MYOZ1: variants seen among roughly 807,000 people sequenced by gnomAD.
MYOZ1 encodes myozenin-1.
Under a neutral mutation model 28.7 loss-of-function variants are expected in MYOZ1, and 20 were observed. The ratio of observed to expected loss-of-function variants is 0.70; its 90% confidence interval spans 0.49 to 1.01. The LOEUF (loss-of-function observed/expected upper bound fraction) is 1.01. Ranked by LOEUF, MYOZ1 falls within the 50% of genes least tolerant of loss-of-function variation. The pLI is 0.00. For missense variants in MYOZ1, 371 were observed against 372.4 expected, an observed-to-expected ratio of 1.00 and a Z score of 0.03; for synonymous variants, 144 against 145.8, an observed-to-expected ratio of 0.99 and a Z score of 0.09.
intron 3 of MYOZ1, among the ~76,000 whole-genome samples, chr10:73,636,082 G>A (rs1004743614): frequency 1.3e-5 from 2 of 152,060 alleles, no homozygotes; most frequent in African/African-American, 2.4e-5. Flanking sequence ...TCCTATATGA[G>A]GACCAATGAC....
intron 5 of MYOZ1, 37 bp from the exon 6 acceptor site, chr10:73,632,198 A>G: frequency 1.9e-6 from 3 of 1,576,364 alleles, no homozygotes; most frequent in Non-Finnish European, 1.7e-6. Flanking sequence ...AAGAATCAGA[A>G]TAAAAGAAAC....
In MYOZ1 at chr10:73,632,055, T is replaced by A; in HGVS notation, c.775A>T (p.Asn259Tyr). ...GAAGGCCTGTTGGAGAGGTTTTGGTTGTAGAGGACCAGGGGTTCACTCAGC... is the reference window on the plus strand; with the variant it reads ...GAAGGCCTGTTGGAGAGGTTTTGGTAGTAGAGGACCAGGGGTTCACTCAGC... The part of the protein sequence containing the change: ...PLLSEPLVLY[N>Y]QNLSNRPSFN... Residue 259 changes from asparagine (N) to tyrosine (Y), a missense_variant, in exon 6 of 6, where the codon AAC (asparagine) becomes TAC (tyrosine). Transcript: ENST00000359322. 6.2e-7 allele frequency: 1 copy of A among 1,614,094 alleles called. No individual in the cohort carries two copies. Among genetic ancestry groups the A allele is most frequent in the South Asian group, 1.1e-5 (1 of 91,074 alleles).
rs1327637132 is a variant in MYOZ1, at chr10:73,631,986, C to T, written c.844G>A (p.Val282Ile). Residue 282 changes from valine (V) to isoleucine (I), a missense_variant, in exon 6 of 6, where the codon GTA becomes ATA. By Grantham distance (29) the Val-to-Ile change is conservative. Transcript: ENST00000359322. The stretch of plus-strand genomic sequence containing the variant: ...ATGCCAATATCCACGTTGTAGTCTA[C>T]AGGCTCCCCAGAGCTCAGCCAGGGA... ...PIPWLSSGEP[V>I]DYNVDIGIPL... The T allele has an allele frequency of 7.4e-6, 12 of 1,613,968 alleles. No individual in the cohort carries two copies. The highest frequency in any genetic ancestry group is 1.0e-5 in the Non-Finnish European group (12 of 1,180,024).
rs555837552 is a variant in MYOZ1, at chr10:73,631,805, A to G, written c.*125T>C. The G allele has an allele frequency of 1.2e-6, 1 of 818,714 alleles. No homozygotes were observed. Among genetic ancestry groups the G allele is most frequent in the African/African-American group, 1.7e-5 (1 of 58,246 alleles). 50.7% of individuals were successfully genotyped at this position (818,714 alleles called of 1,614,324 possible). A position where few individuals can be genotyped will look rare whatever the true frequency, so the allele number is the denominator to read the frequency against. On this transcript the variant is annotated 3_prime_UTR_variant, in exon 6 of 6. Coordinates refer to ENST00000359322, the MANE Select transcript of MYOZ1 (RefSeq NM_021245.4). ...CTTGGAGTAAAGGATGGAAAGGTAG[A>G]TCTCTCCTTTTTCCCTCCATTCCCA...
At chr10:73,636,243 C>T (rs1228279620) in intron 3 of MYOZ1, among the ~76,000 whole-genome samples, 1 of 152,102 alleles carries the variant, frequency 6.6e-6, no homozygotes, top group Admixed American at 6.6e-5. Flanking sequence ...TCTCCTCTTT[C>T]TTTGGAGAAG....
chr10:73,632,653 G>A (rs1382151703), intron 5 of MYOZ1, among the ~76,000 whole-genome samples: 4 of 149,748 alleles, frequency 2.7e-5, no homozygotes, highest in African/African-American at 7.4e-5. Context: ...GCATGGTGGC[G>A]CACCCCTGTC....
intron 3 of MYOZ1, among the ~76,000 whole-genome samples, 170 bp downstream of exon 3, chr10:73,637,574 G>A (rs2081674661): frequency 6.6e-6 from 1 of 152,104 alleles, no homozygotes; most frequent in Non-Finnish European, 1.5e-5. Context: ...TTTCAGAGGT[G>A]GGCTGTAACT....
chr10:73,636,363 T>C (rs772634903), intron 3 of MYOZ1, among the ~76,000 whole-genome samples: 12 of 152,214 alleles, frequency 7.9e-5, no homozygotes, highest in Admixed American at 2.0e-4. Flanking sequence ...GGGAGGTGGC[T>C]GTAAAAACTC....
chr10:73,637,406 G>A (rs1478263103), intron 3 of MYOZ1, among the ~76,000 whole-genome samples: 2 of 152,100 alleles, frequency 1.3e-5, no homozygotes, highest in Admixed American at 6.6e-5. Context: ...TATTCATTGT[G>A]TATCTCAACT....
chr10:73,636,297 C>A (rs930595635), intron 3 of MYOZ1, among the ~76,000 whole-genome samples: 2 of 152,136 alleles, frequency 1.3e-5, no homozygotes, highest in Non-Finnish European at 1.5e-5. Context: ...TCAGTCTCCA[C>A]ACCTGGGGCT....
chr10:73,637,738 A>C lies in MYOZ1; in HGVS notation c.252+6T>G. ...CTTTGAGATAGTGATAAAGTTCCAG[A>C]CTCACCATTGAGCTGTCAGAGAAAA... On this transcript the variant is annotated splice_donor_region_variant and intron_variant, in intron 3 of 5. Transcript: ENST00000359322. 6.2e-7 allele frequency: 1 copy of C among 1,610,414 alleles called. No homozygotes were observed. Among genetic ancestry groups the C allele is most frequent in the Non-Finnish European group, 8.5e-7 (1 of 1,178,044 alleles).
chr10:73,632,263 T>A (rs2081639661), intron 5 of MYOZ1, 102 bp from the exon 6 acceptor site: 2 of 1,075,774 alleles, frequency 1.9e-6, no homozygotes, highest in Non-Finnish European at 2.7e-6. Context: ...CTGTGAATTC[T>A]AGTTTGGGAT....
intron 1 of MYOZ1, among the ~76,000 whole-genome samples, chr10:73,640,489 C>A (rs1039216853): frequency 1.1e-4 from 17 of 152,112 alleles, no homozygotes; most frequent in African/African-American, 3.6e-4. Context: ...TGAAAACTTG[C>A]GCTTTAGGGC....
In MYOZ1 at chr10:73,634,685, C is replaced by T; in HGVS notation, c.301G>A (p.Ala101Thr). 1 of 1,614,232 alleles carries T rather than the reference C, an allele frequency of 6.2e-7. No individual in the cohort carries two copies. Among genetic ancestry groups the T allele is most frequent in the South Asian group, 1.1e-5 (1 of 91,092 alleles). The change falls in exon 4 of 6, where the codon GCT becomes ACT. Residue 101 changes from alanine (A) to threonine (T), a missense_variant. Transcript: ENST00000359322. ...TTGCTGTATGAGAATCCCTGACCAG[C>T]TGTGCCCAGCTGTCCCCCCACTGTT... ...LPTVGGQLGT[A>T]GQGFSYSKSN... is the part of the protein sequence containing the mutation.
chr10:73,632,270 G>A, intron 5 of MYOZ1, 109 bp from the exon 6 acceptor site: 1 of 1,007,848 alleles, frequency 9.9e-7, no homozygotes. Flanking sequence ...TTCTAGTTTG[G>A]GATTGCATCT....
At chr10:73,636,462 T>C (rs1490571885) in intron 3 of MYOZ1, among the ~76,000 whole-genome samples, 1 of 88,138 alleles carries the variant, frequency 1.1e-5, no homozygotes, top group African/African-American at 8.9e-5. Flanking sequence ...CAAATTTTTA[T>C]TTTTTTTTTT....
chr10:73,634,832 G>A, intron 3 of MYOZ1, 99 bp from the exon 4 acceptor site: 1 of 1,417,402 alleles, frequency 7.1e-7, no homozygotes, highest in Non-Finnish European at 9.5e-7. Flanking sequence ...TGGCTAACCA[G>A]AAGACCCTGA....
In MYOZ1 at chr10:73,632,041, G is replaced by A; in HGVS notation, c.789C>T (p.Ser263=). 6.2e-7 allele frequency: 1 copy of A among 1,614,174 alleles called. No individual in the cohort carries two copies. The highest frequency in any genetic ancestry group is 8.5e-7 in the Non-Finnish European group (1 of 1,180,034). ...GGGTTCGATTGAAAGAAGGCCTGTT[G>A]GAGAGGTTTTGGTTGTAGAGGACCA... ...EPLVLYNQNL[S]NRPSFNRTPI... Residue 263 remains serine, a synonymous_variant, in exon 6 of 6, where the codon TCC becomes TCT. Coordinates refer to ENST00000359322, the MANE Select transcript of MYOZ1 (RefSeq NM_021245.4).
chr10:73,637,280 G>A (rs188897530), intron 3 of MYOZ1, among the ~76,000 whole-genome samples: 175 of 152,138 alleles, frequency 1.2e-3, no homozygotes, highest in Middle Eastern at 6.8e-3. Context: ...CTCCCAAAGT[G>A]CTGGGATTAC....
Sources: allele counts gnomAD v4.1 joint callset (sites outside exome capture counted in the v4.1 genomes callset), GRCh38; gene constraint gnomAD v4.1.1; transcripts MANE v1.5; gene names NCBI Gene and HGNC (gene_info 2026-07-23, HGNC 2026-07-21).